The following PSMD6 variants were observed in gnomAD, a reference collection of about 807,000 sequenced individuals.
PSMD6 encodes the protein 26S proteasome non-ATPase regulatory subunit 6.
PSMD6 carries 7 observed loss-of-function variants against 44.9 expected under a neutral mutation model. The observed-to-expected ratio is 0.16, with a 90% CI of 0.09 to 0.29. The LOEUF is 0.29. Ranked by LOEUF, PSMD6 falls within the 10% of genes least tolerant of loss-of-function variation. PSMD6 has a pLI of 1.00. For missense variants in PSMD6, 420 were observed against 482.6 expected (o/e 0.87, Z 1.21); for synonymous variants, 184 against 172.7 (o/e 1.07, Z -0.51).
chr3:64,013,333 G>A (rs759729684), intron 6 of PSMD6, 106 bp downstream of exon 6: 37 of 1,196,478 alleles, frequency 3.1e-5, no homozygotes, highest in Admixed American at 2.4e-4. Context: ...TCCCCTCCCC[G>A]TTAAGATTGA....
intron 5 of PSMD6, 34 bp from the exon 6 acceptor site, chr3:64,013,641 T>C (rs752830422): frequency 6.5e-7 from 1 of 1,541,200 alleles, no homozygotes; most frequent in South Asian, 1.2e-5. Context: ...TATAATAGAC[T>C]CTCCGTTTCA....
At chr3:64,022,675 T>C (rs1405748921) in intron 1 of PSMD6, 152 bp from the exon 2 acceptor site, 1 of 1,538,636 alleles carries the variant, frequency 6.5e-7, no homozygotes, top group Non-Finnish European at 8.7e-7. Flanking sequence ...AATAATCGGC[T>C]TGGCAAAACA....
intron 1 of PSMD6, 42 bp from the exon 2 acceptor site, chr3:64,022,565 G>A (rs370227267): frequency 3.9e-5 from 63 of 1,609,042 alleles, no homozygotes; most frequent in Non-Finnish European, 5.2e-5. Flanking sequence ...GGACACTTGT[G>A]CCCTCAAGTC....
At chr3:64,016,996 A>G (rs568418253) in intron 5 of PSMD6, 15 of 152,370 alleles carry the variant, frequency 9.8e-5, no homozygotes, top group African/African-American at 3.6e-4. Flanking sequence ...ATACTGATAC[A>G]TGCTACAACA....
chr3:64,019,094 A>G, intron 3 of PSMD6, 57 bp from the exon 4 acceptor site: 1 of 1,489,938 alleles, frequency 6.7e-7, no homozygotes, highest in East Asian at 2.3e-5. Context: ...CACGTTTTAA[A>G]AACTTGTCTG....
At chr3:64,017,142 C>T (rs748349351) in intron 5 of PSMD6, 13 of 152,274 alleles carry the variant, frequency 8.5e-5, no homozygotes, top group Non-Finnish European at 1.9e-4. Context: ...TTGCCAGGGG[C>T]TGGGGGAAAG....
chr3:64,014,121 CTA>C (rs2076007380), intron 5 of PSMD6: 1 of 152,190 alleles, frequency 6.6e-6, no homozygotes, highest in Non-Finnish European at 1.5e-5. Flanking sequence ...TAAGAAAACA[CTA>C]TGAACAAGGT....
At chr3:64,011,901 C>CACTG (rs1490377817) in intron 6 of PSMD6, 1 of 152,464 alleles carries the variant, frequency 6.6e-6, no homozygotes, top group African/African-American at 2.4e-5. Context: ...CCCCTCCTTC[C>CACTG]ACTGACTCAT....
At chr3:64,020,805 G>A (rs1047333807) in intron 2 of PSMD6, among the ~76,000 whole-genome samples, 1 of 152,096 alleles carries the variant, frequency 6.6e-6, no homozygotes, top group Non-Finnish European at 1.5e-5. Context: ...CATAATTACC[G>A]AGGTTGAAAA....
intron 6 of PSMD6, 155 bp from the exon 7 acceptor site, chr3:64,011,110 T>C: frequency 1.7e-6 from 1 of 583,128 alleles, no homozygotes; most frequent in Non-Finnish European, 3.0e-6. Flanking sequence ...GTCCCTCCTA[T>C]ACTGCAGGCT....
chr3:64,022,677 G>A (rs777996412), intron 1 of PSMD6, 154 bp from the exon 2 acceptor site: 51 of 1,537,992 alleles, frequency 3.3e-5, no homozygotes, highest in Non-Finnish European at 4.4e-5. Flanking sequence ...TAATCGGCTT[G>A]GCAAAACATA....
intron 5 of PSMD6, chr3:64,015,983 C>A (rs1478369662): frequency 6.6e-6 from 1 of 152,014 alleles, no homozygotes; most frequent in African/African-American, 2.4e-5. Context: ...GTCAGGAGAT[C>A]AAGACGATCC....
rs74759106 is a variant in PSMD6, at chr3:64,021,417, A to T, written c.351+901T>A. On this transcript the variant is annotated intron_variant, in intron 2 of 7. Coordinates refer to ENST00000295901, the MANE Select transcript of PSMD6 (RefSeq NM_014814.3). The stretch of plus-strand genomic sequence containing the variant: ...ATGATCCTATGTACTTAAAAAAAAA[A>T]TTCTGTAGAATTAAAAATTTCTGCA... Among the ~76,000 whole-genome samples, 6 of 152,354 alleles carry T rather than the reference A, an allele frequency of 3.9e-5. No individual in the cohort carries two copies. In the East Asian group the frequency reaches 1.2e-3, roughly 29 times the overall value.
Position 64,013,340 on chromosome 3 carries a change from T to C in PSMD6, c.995+99A>G, listed in dbSNP as rs2075992372. ...AAAACCTCTCCCCTCCCCGTTAAGA[T>C]TGAGGGAACCAATGTAAACAAGTAA... On this transcript the variant is annotated intron_variant, in intron 6 of 7. Transcript: ENST00000295901. 56 of 1,243,802 alleles carry C rather than the reference T, an allele frequency of 4.5e-5. No individual in the cohort carries two copies. In the South Asian group the frequency reaches 8.6e-4, roughly 19 times the overall value. 77.0% of individuals were successfully genotyped at this position (1,243,802 alleles called of 1,614,324 possible).
rs1415406605 is a variant in PSMD6 at position 64,018,849 on chromosome 3, A to G, written c.686T>C (p.Ile229Thr). Reference protein sequence around the residue: ...FVTYTVYVSMIALERPDLREK... With the variant: ...FVTYTVYVSMTALERPDLREK... ...CCTGAGATCTGGTCTTTCTAAGGCA[A>G]TCATACTGACATAGACAGTATAAGT... Residue 229 changes from isoleucine (I) to threonine (T), a missense_variant, in exon 4 of 8, where the codon ATT (isoleucine) becomes ACT (threonine). Ile to Thr is a moderately conservative substitution (Grantham distance 89). This residue lies in a region of PSMD6 where 216 missense variants were observed against 227.0 expected (regional missense o/e 0.95). Transcript: ENST00000295901. 1.3e-6 allele frequency: 2 copies of G among 1,591,758 alleles called. No individual in the cohort carries two copies. Among genetic ancestry groups the G allele is most frequent in the Non-Finnish European group, 1.7e-6 (2 of 1,159,808 alleles).
intron 2 of PSMD6, 36 bp downstream of exon 2, chr3:64,022,282 T>C: frequency 1.2e-6 from 2 of 1,607,886 alleles, no homozygotes; most frequent in East Asian, 2.2e-5. Flanking sequence ...TTTTAGCCTA[T>C]ACTAACTACA....
At chr3:64,010,989 T>A (rs749475744) in intron 6 of PSMD6, 34 bp from the exon 7 acceptor site, 26 of 1,502,038 alleles carry the variant, frequency 1.7e-5, no homozygotes, top group African/African-American at 2.8e-5. Flanking sequence ...AGAATTAGCT[T>A]TATAGAAAAT....
chr3:64,023,584 C>G, upstream of PSMD6: 1 of 1,412,330 alleles, frequency 7.1e-7, no homozygotes, highest in East Asian at 2.7e-5. Context: ...AACGCCTCAC[C>G]CGGCCTGGGC....
At chr3:64,018,289 C>T (rs79493432) in intron 5 of PSMD6, 3 of 192,524 alleles carry the variant, frequency 1.6e-5, no homozygotes, top group African/African-American at 7.1e-5. Context: ...GGCAAATACC[C>T]TCAGCAAAGG....
Sources: allele counts gnomAD v4.1 joint callset (sites outside exome capture counted in the v4.1 genomes callset), GRCh38; gene constraint gnomAD v4.1.1; regional missense constraint gnomAD v4.1.1; transcripts MANE v1.5; gene names NCBI Gene and HGNC (gene_info 2026-07-23, HGNC 2026-07-21).